The following IQCM variants were observed in gnomAD, a reference collection of about 807,000 sequenced individuals.
IQCM encodes IQ motif containing M, also known as IQ domain-containing protein M.
IQCM carries 45 observed loss-of-function variants against 57.6 expected under a neutral mutation model. The ratio of observed to expected loss-of-function variants is 0.78; its 90% confidence interval spans 0.62 to 1.00. IQCM has a LOEUF of 1.00. IQCM is among the 50% of genes least tolerant of loss of function. IQCM has a pLI of 0.00. For missense variants in IQCM, 468 were observed against 511.6 expected (o/e 0.91, Z 0.82); for synonymous variants, 148 against 158.9 (o/e 0.93, Z 0.51).
intron 5 of IQCM, among the ~76,000 whole-genome samples, chr4:149,711,616 T>C (rs2149832716): frequency 6.6e-6 from 1 of 152,314 alleles, no homozygotes; most frequent in African/African-American, 2.4e-5. Context: ...GGAAGCATTT[T>C]TGGGTTTTTA....
At chr4:149,464,811 C>T (rs1168084217) in intron 12 of IQCM, among the ~76,000 whole-genome samples, 1 of 151,982 alleles carries the variant, frequency 6.6e-6, no homozygotes, top group African/African-American at 2.4e-5. Context: ...TAAAATATGG[C>T]TAATGTGACT....
At position 149,429,047 on chromosome 4, in the gene IQCM, T is replaced by A. The variant is rs189239841; in HGVS notation, c.1390+4349A>T. Among the ~76,000 whole-genome samples the A allele has an allele frequency of 2.1e-3, 321 of 152,006 alleles. 4 individuals are homozygous for A. Among genetic ancestry groups the A allele is most frequent in the African/African-American group, 7.4e-3 (309 of 41,540 alleles). On this transcript the variant is annotated intron_variant, in intron 13 of 13. Transcript: ENST00000636793. The stretch of plus-strand genomic sequence containing the variant: ...CATTTGTATTCCCTAAGTGATTTTC[T>A]AGAAAGATAATAGCTAATCCACCCC...
chr4:149,794,514 C>T (rs1182702768), intron 2 of IQCM, among the ~76,000 whole-genome samples: 1 of 152,132 alleles, frequency 6.6e-6, no homozygotes, highest in Admixed American at 6.5e-5. Flanking sequence ...TGAAGGAAAA[C>T]TAGCCAGCGA....
chr4:149,563,636 G>T (rs1422871424), intron 10 of IQCM, 56 bp downstream of exon 10: 6 of 1,117,546 alleles, frequency 5.4e-6, no homozygotes, highest in Non-Finnish European at 6.8e-6. Flanking sequence ...AAATTCTACT[G>T]AATTGAATCT....
chr4:149,567,664 AAAAC>A (rs1750762051), intron 9 of IQCM, among the ~76,000 whole-genome samples: 1 of 152,044 alleles, frequency 6.6e-6, no homozygotes, highest in Non-Finnish European at 1.5e-5. Flanking sequence ...GCAAATTAAA[AAAAC>A]AAACAAACAA....
chr4:149,352,158 A>G lies in IQCM; in HGVS notation c.1391-92T>C, dbSNP rs537371873. 4.3e-5 allele frequency: 17 copies of G among 396,174 alleles called. No individual in the cohort carries two copies. In the East Asian group the frequency reaches 6.1e-4, roughly 14 times the overall value. 24.5% of individuals were successfully genotyped at this position (396,174 alleles called of 1,614,324 possible). On this transcript the variant is annotated intron_variant, in intron 13 of 13. Transcript: ENST00000636793. ...TTTGAAATTCTATAAGTTACAGGAA[A>G]CTAATTATGGTTGTGTTAGAACATG... is the stretch of plus-strand genomic sequence containing the variant.
chr4:149,734,095 G>C (rs750181206), intron 4 of IQCM, among the ~76,000 whole-genome samples: 7 of 151,952 alleles, frequency 4.6e-5, no homozygotes, highest in Non-Finnish European at 1.0e-4. Flanking sequence ...GTCTCTGACA[G>C]GTAATTATCC....
rs1032192415 is a variant in IQCM at position 149,777,480 on chromosome 4, G to C, written c.-48-34741C>G. 2.0e-5 allele frequency among the ~76,000 whole-genome samples: 3 copies of C among 152,210 alleles called. No homozygotes were observed. The South Asian group carries it at 6.2e-4, about 32-fold the overall frequency. On this transcript the variant is annotated intron_variant, in intron 2 of 13. Transcript: ENST00000636793. ...AAAGATAGCAAACTCTGAGAAACAAGTTTATTTATCAATGAGATTTATATG... is the reference window on the plus strand; with the variant it reads ...AAAGATAGCAAACTCTGAGAAACAACTTTATTTATCAATGAGATTTATATG...
intron 12 of IQCM, among the ~76,000 whole-genome samples, chr4:149,546,608 G>T (rs927536092): frequency 1.3e-5 from 2 of 152,226 alleles, no homozygotes; most frequent in African/African-American, 4.8e-5. Flanking sequence ...TTTGGCTGCA[G>T]AAATGTCTTC....
chr4:149,601,710 G>A (rs537051426), intron 8 of IQCM, among the ~76,000 whole-genome samples: 4 of 152,198 alleles, frequency 2.6e-5, no homozygotes, highest in African/African-American at 9.6e-5. Flanking sequence ...GTACATTACA[G>A]TCAACCCTTC....
intron 12 of IQCM, among the ~76,000 whole-genome samples, chr4:149,442,535 C>T (rs1736048865): frequency 6.6e-6 from 1 of 152,078 alleles, no homozygotes; most frequent in Non-Finnish European, 1.5e-5. Flanking sequence ...AACTGCAGGA[C>T]ATTATTCCAC....
chr4:149,790,016 CTGTG>C, intron 2 of IQCM: 1 of 394,568 alleles, frequency 2.5e-6, no homozygotes, highest in South Asian at 5.8e-5. Context: ...AGACACAGAT[CTGTG>C]TTGTACTTCT....
intron 7 of IQCM, among the ~76,000 whole-genome samples, chr4:149,641,798 G>A: frequency 6.6e-6 from 1 of 152,018 alleles, no homozygotes; most frequent in Non-Finnish European, 1.5e-5. Context: ...TAATTTACTA[G>A]GGTCATCAAT....
At chr4:149,480,846 CT>C (rs1419526932) in intron 12 of IQCM, among the ~76,000 whole-genome samples, 2 of 152,060 alleles carry the variant, frequency 1.3e-5, no homozygotes, top group African/African-American at 4.8e-5. Context: ...CACTGTTGTC[CT>C]TAGTGGTTTT....
chr4:149,799,967 GAGA>G (rs1165603044), intron 2 of IQCM, among the ~76,000 whole-genome samples: 3 of 151,704 alleles, frequency 2.0e-5, no homozygotes, highest in African/African-American at 4.8e-5. Flanking sequence ...CTAAAAAATA[GAGA>G]AGGAGGGAAT....
chr4:149,681,467 C>A (rs17687142), intron 7 of IQCM, among the ~76,000 whole-genome samples: 3,409 of 151,198 alleles, frequency 0.023, 100 homozygotes, highest in South Asian at 0.14. Context: ...AGTGAGCTTC[C>A]ACTTAATGCT....
At chr4:149,485,380 G>C (rs1262660834) in intron 12 of IQCM, among the ~76,000 whole-genome samples, 2 of 151,584 alleles carry the variant, frequency 1.3e-5, no homozygotes, top group African/African-American at 4.8e-5. Flanking sequence ...ACATCTCGTA[G>C]GTATGCTTTA....
At chr4:149,444,255 G>A (rs1338523890) in intron 12 of IQCM, among the ~76,000 whole-genome samples, 1 of 151,836 alleles carries the variant, frequency 6.6e-6, no homozygotes, top group Non-Finnish European at 1.5e-5. Flanking sequence ...AAATGAATGT[G>A]TAAATAGCAC....
chr4:149,389,909 G>A (rs543275265), intron 13 of IQCM, among the ~76,000 whole-genome samples: 3 of 151,900 alleles, frequency 2.0e-5, no homozygotes, highest in Non-Finnish European at 4.4e-5. Context: ...ATTCAAATGG[G>A]TGTTTCAACT....
Sources: allele counts gnomAD v4.1 joint callset (sites outside exome capture counted in the v4.1 genomes callset), GRCh38; gene constraint gnomAD v4.1.1; transcripts MANE v1.5; gene names NCBI Gene and HGNC (gene_info 2026-07-23, HGNC 2026-07-21).